MGRN1: variants seen among roughly 807,000 people sequenced by gnomAD.
MGRN1 encodes the protein mahogunin ring finger 1.
In MGRN1, 29 loss-of-function variants were observed where a neutral mutation model predicts 69.2. The observed-to-expected ratio is 0.42, with a 90% CI of 0.31 to 0.57. The LOEUF (loss-of-function observed/expected upper bound fraction) is 0.57, where lower values mean the gene tolerates loss of function less well. MGRN1 is among the 20% of genes least tolerant of loss of function. MGRN1 has a pLI of 0.15. For missense variants in MGRN1, 998 were observed against 796.2 expected, an observed-to-expected ratio of 1.25 and a Z score of -3.05; for synonymous variants, 470 against 344.2, an observed-to-expected ratio of 1.37 and a Z score of -4.04.
intron 5 of MGRN1, among the ~76,000 whole-genome samples, chr16:4,663,392 ACACCTTTATTGTGTTATAATTACCATCTC>A (rs1224053336): frequency 1.7e-3 from 11 of 6,536 alleles, no homozygotes; most frequent in Non-Finnish European, 4.6e-3. Context: ...TTTTTTTTTT[ACACCTTTATTGTGTTATAATTACCATCTC>A]CTGCAGCTCA....
At chr16:4,648,121 G>A (rs1012169307) in intron 1 of MGRN1, among the ~76,000 whole-genome samples, 1 of 152,322 alleles carries the variant, frequency 6.6e-6, no homozygotes, top group African/African-American at 2.4e-5. Context: ...GGGGCCCCCA[G>A]TGGGAATTCT....
At chr16:4,681,322 C>T (rs2079178011) in intron 12 of MGRN1, 1 of 552,930 alleles carries the variant, frequency 1.8e-6, no homozygotes, top group Non-Finnish European at 3.2e-6. Context: ...GCCCTCGTGC[C>T]CGTCATCCCA....
At chr16:4,661,246 T>C (rs1490104887) in intron 5 of MGRN1, among the ~76,000 whole-genome samples, 1 of 152,076 alleles carries the variant, frequency 6.6e-6, no homozygotes, top group Non-Finnish European at 1.5e-5. Context: ...CCCAGAGTGT[T>C]GGGATTATAG....
intron 16 of MGRN1, chr16:4,686,503 G>T (rs1402914849): frequency 3.6e-6 from 5 of 1,382,680 alleles, no homozygotes; most frequent in African/African-American, 2.9e-5. Context: ...CTCCTGGGGG[G>T]TCCTGACTTT....
At chr16:4,656,901 AT>A (rs2078555453) in intron 4 of MGRN1, among the ~76,000 whole-genome samples, 5 of 149,112 alleles carry the variant, frequency 3.4e-5, no homozygotes, top group Non-Finnish European at 7.5e-5. Context: ...AAATAAATAA[AT>A]AAATAAATAA....
chr16:4,641,171 C>A (rs1397073078), intron 1 of MGRN1, among the ~76,000 whole-genome samples: 2 of 152,206 alleles, frequency 1.3e-5, no homozygotes, highest in African/African-American at 4.8e-5. Context: ...ATGTACACAG[C>A]TCATGCACGC....
intron 1 of MGRN1, among the ~76,000 whole-genome samples, chr16:4,637,662 G>A (rs1407257120): frequency 6.6e-6 from 1 of 152,218 alleles, no homozygotes; most frequent in Non-Finnish European, 1.5e-5. Context: ...GCCTCTGTTC[G>A]GCTCCAGCCT....
intron 16 of MGRN1, chr16:4,687,629 C>A (rs1596323312): frequency 2.1e-6 from 2 of 938,848 alleles, no homozygotes; most frequent in East Asian, 1.3e-4. Context: ...GAGAAGGCAG[C>A]TCCAGGAGTG....
At chr16:4,688,054 C>T (rs1195621658) in intron 16 of MGRN1, 1 of 985,536 alleles carries the variant, frequency 1.0e-6, no homozygotes, top group Non-Finnish European at 1.2e-6. Flanking sequence ...GGCTCACAGC[C>T]TCGGAAACCT....
chr16:4,636,182 A>T (rs1898279285), intron 1 of MGRN1, among the ~76,000 whole-genome samples: 2 of 152,154 alleles, frequency 1.3e-5, no homozygotes, highest in African/African-American at 2.4e-5. Context: ...ATGTTGAGAA[A>T]AATAGAGCAG....
rs1567252617 is a variant in MGRN1 at position 4,689,294 on chromosome 16, T to C, written c.*386T>C. The C allele has an allele frequency of 2.7e-5, 5 of 185,792 alleles. No homozygotes were observed. The South Asian group carries it at 9.4e-4, about 35-fold the overall frequency. The allele number at this position is 185,792 out of a possible 1,614,324, so 11.5% of individuals were successfully genotyped here. The stretch of plus-strand genomic sequence containing the variant: ...CAGGAGGCCTGCAGAAGAGAACTGA[T>C]TGGTGGTCGAAGCACCATCTTCACA... On this transcript the variant is annotated 3_prime_UTR_variant, in exon 17 of 17. Coordinates refer to ENST00000262370, the MANE Select transcript of MGRN1 (RefSeq NM_015246.4).
intron 15 of MGRN1, 134 bp downstream of exon 15, chr16:4,683,403 C>G (rs2079234171): frequency 1.9e-6 from 2 of 1,035,682 alleles, no homozygotes; most frequent in African/African-American, 1.6e-5. Flanking sequence ...AGAGGCCCCC[C>G]TCGGCGGCAC....
chr16:4,671,779 A>G (rs552451301), intron 9 of MGRN1, among the ~76,000 whole-genome samples: 2 of 152,286 alleles, frequency 1.3e-5, no homozygotes, highest in East Asian at 3.9e-4. Context: ...CTCCCCAGAG[A>G]CAGCACGTCC....
At chr16:4,677,664 C>T (rs774913682) in intron 11 of MGRN1, 92 bp downstream of exon 11, 35 of 1,239,736 alleles carry the variant, frequency 2.8e-5, no homozygotes, top group South Asian at 1.3e-4. Flanking sequence ...CCAGCAGCCC[C>T]GTGTTCTCTT....
intron 5 of MGRN1, among the ~76,000 whole-genome samples, chr16:4,663,243 T>G (rs1274701349): frequency 6.6e-6 from 1 of 152,082 alleles, no homozygotes; most frequent in Non-Finnish European, 1.5e-5. Flanking sequence ...TTTGTATTTT[T>G]AGTAGAGACA....
chr16:4,686,232 C>T (rs779282988), intron 16 of MGRN1: 118 of 1,540,342 alleles, frequency 7.7e-5, no homozygotes, highest in Middle Eastern at 1.7e-4. Flanking sequence ...ACCGAGCTTC[C>T]GTCTGTCTCT....
chr16:4,681,265 C>G, intron 12 of MGRN1: 1 of 458,540 alleles, frequency 2.2e-6, no homozygotes, highest in South Asian at 3.1e-5. Context: ...GACTGAAAGC[C>G]AGGGAGGGGC....
chr16:4,682,857 G>A lies in MGRN1; in HGVS notation c.1393G>A (p.Glu465Lys), dbSNP rs1596317969. 3 of 1,606,066 alleles carry A rather than the reference G, an allele frequency of 1.9e-6. No homozygotes were observed. The highest frequency in any genetic ancestry group is 2.2e-5 in the South Asian group (2 of 90,688). ...GTCCCCGTCTTCCCCCATCCACGAAGAGGATGAGGAGAAGCTCTCCGAGGA... is the reference window on the plus strand; with the variant it reads ...GTCCCCGTCTTCCCCCATCCACGAAAAGGATGAGGAGAAGCTCTCCGAGGA... ...LRSPSSPIHE[E>K]DEEKLSEDVD... Residue 465 changes from glutamate (E) to lysine (K), a missense_variant, in exon 14 of 17, where the codon GAG becomes AAG. Glu to Lys is a moderately conservative substitution (Grantham distance 56). Coordinates refer to ENST00000262370, the MANE Select transcript of MGRN1 (RefSeq NM_015246.4).
At chr16:4,681,974 C>T (rs1002964541) in intron 13 of MGRN1, among the ~76,000 whole-genome samples, 198 bp downstream of exon 13, 1 of 152,244 alleles carries the variant, frequency 6.6e-6, no homozygotes, top group African/African-American at 2.4e-5. Context: ...GCAGGAAGAG[C>T]GTCCGGGCAG....
Sources: gnomAD v4.1 joint callset for allele counts (sites outside exome capture counted in the v4.1 genomes callset) on GRCh38, gnomAD v4.1.1 for gene constraint, MANE v1.5 for transcripts, NCBI Gene and HGNC (gene_info 2026-07-23, HGNC 2026-07-21) for gene names.